Variants in MLEC observed in about 807,000 individuals in gnomAD.
MLEC encodes the protein oligosaccharyltransferase complex subunit (non-catalytic).
Under a neutral mutation model 28.7 loss-of-function variants are expected in MLEC, and 7 were observed. That is an observed-to-expected ratio of 0.24 (90% CI 0.14 to 0.46). The LOEUF (loss-of-function observed/expected upper bound fraction) is 0.46. MLEC is among the 20% of genes least tolerant of loss of function. The probability of loss-of-function intolerance (pLI) is 0.99; values close to 1 mark genes in which losing one functional copy is unlikely to be tolerated. For missense variants in MLEC, 237 were observed against 391.1 expected (o/e 0.61, Z 3.32); for synonymous variants, 142 against 164.4 (o/e 0.86, Z 1.04).
rs1323533501 is a variant in MLEC at position 120,696,936 on chromosome 12, G to C, written c.*391G>C. ...AGGGAAATGCCATCTTATTACCTGA[G>C]ACGACCAGCACTGGGAGTTAGGTAC... On this transcript the variant is annotated 3_prime_UTR_variant, in exon 5 of 5. Coordinates refer to ENST00000228506, the MANE Select transcript of MLEC (RefSeq NM_014730.4). The surrounding 1 kb of genome is among the most constrained non-coding windows in gnomAD (Gnocchi z 5.4). 1 of 209,344 alleles carries C rather than the reference G, an allele frequency of 4.8e-6. No individual in the cohort carries two copies. The allele number at this position is 209,344 out of a possible 1,614,324, so 13.0% of individuals were successfully genotyped here.
intron 1 of MLEC, among the ~76,000 whole-genome samples, chr12:120,690,219 C>T (rs192707218): frequency 5.9e-5 from 9 of 152,048 alleles, no homozygotes; most frequent in African/African-American, 2.2e-4. Context: ...CTATGTTGCC[C>T]AGGCTGGTCT....
rs531557959 is a variant in MLEC at position 120,695,428 on chromosome 12, A to G, written c.649+276A>G. The stretch of plus-strand genomic sequence containing the variant: ...TAAATTGGGATTAATAATGGTACCT[A>G]TTGGTGTACCCTGACCTTTGTAGTC... On this transcript the variant is annotated intron_variant, in intron 4 of 4. Transcript: ENST00000228506. Among the ~76,000 whole-genome samples, 16 of 152,290 alleles carry G rather than the reference A, an allele frequency of 1.1e-4. No individual in the cohort carries two copies. The East Asian group carries it at 1.3e-3, about 13-fold the overall frequency.
Position 120,696,770 on chromosome 12 carries a change from C to A in MLEC, c.*225C>A. The stretch of plus-strand genomic sequence containing the variant: ...CCTCGTCCTCTCTTTGTGGCTGGCT[C>A]CCAGCCTTCTCTTTCCTCTTGAGGA... On this transcript the variant is annotated 3_prime_UTR_variant, in exon 5 of 5. Transcript: ENST00000228506. This position sits in a 1 kb window ranked among gnomAD's most constrained non-coding sequence, Gnocchi z 5.4. 8.3e-6 allele frequency: 5 copies of A among 603,404 alleles called. No individual in the cohort carries two copies. The highest frequency in any genetic ancestry group is 1.4e-5 in the Non-Finnish European group (5 of 352,584). 37.4% of individuals were successfully genotyped at this position (603,404 alleles called of 1,614,324 possible). A position where few individuals can be genotyped will look rare whatever the true frequency, so the allele number is the denominator to read the frequency against.
chr12:120,696,834 T>G lies in MLEC; in HGVS notation c.*289T>G. The G allele has an allele frequency of 2.3e-6, 1 of 434,182 alleles. No homozygotes were observed. Among genetic ancestry groups the G allele is most frequent in the Non-Finnish European group, 4.2e-6 (1 of 239,744 alleles). The allele number at this position is 434,182 out of a possible 1,614,324, so 26.9% of individuals were successfully genotyped here. A position where few individuals can be genotyped will look rare whatever the true frequency, so the allele number is the denominator to read the frequency against. On this transcript the variant is annotated 3_prime_UTR_variant, in exon 5 of 5. Coordinates refer to ENST00000228506, the MANE Select transcript of MLEC (RefSeq NM_014730.4). The surrounding 1 kb of genome is among the most constrained non-coding windows in gnomAD (Gnocchi z 5.4). ...CTGGATCCTTCCTGCTCAAGGATCC[T>G]CATTTGTATACCTAGTGGAAAGGAC...
In MLEC at chr12:120,694,213, G is replaced by A; in HGVS notation, c.358G>A (p.Asp120Asn). 6.2e-7 allele frequency: 1 copy of A among 1,614,180 alleles called. No individual in the cohort carries two copies. Among genetic ancestry groups the A allele is most frequent in the Non-Finnish European group, 8.5e-7 (1 of 1,180,036 alleles). The part of the protein sequence containing the change: ...GYEVPIKEEG[D>N]YVLVLKFAEV... ...CGAAGTGCCCATCAAAGAGGAGGGGGACTACGTGCTGGTCTTGAAATTTGC... is the reference window on the plus strand; with the variant it reads ...CGAAGTGCCCATCAAAGAGGAGGGGAACTACGTGCTGGTCTTGAAATTTGC... Residue 120 changes from aspartate (D) to asparagine (N), a missense_variant, in exon 2 of 5, where the codon GAC becomes AAC. Coordinates refer to ENST00000228506, the MANE Select transcript of MLEC (RefSeq NM_014730.4). The surrounding 1 kb of genome is among the most constrained non-coding windows in gnomAD (Gnocchi z 4.5).
chr12:120,691,348 G>T (rs976886092), intron 1 of MLEC, among the ~76,000 whole-genome samples: 1 of 152,174 alleles, frequency 6.6e-6, no homozygotes. Context: ...CAATGCTGTG[G>T]GATAGGTGGT....
chr12:120,695,414 T>G lies in MLEC; in HGVS notation c.649+262T>G, dbSNP rs1882193237. Among the ~76,000 whole-genome samples the G allele has an allele frequency of 2.0e-5, 3 of 152,218 alleles. No homozygotes were observed. The South Asian group carries it at 6.2e-4, about 31-fold the overall frequency. ...TTTTAATTTCCCTATAAATTGGGAT[T>G]AATAATGGTACCTATTGGTGTACCC... On this transcript the variant is annotated intron_variant, in intron 4 of 4. Transcript: ENST00000228506.
At chr12:120,692,279 A>G (rs1882070004) in intron 1 of MLEC, among the ~76,000 whole-genome samples, 1 of 152,234 alleles carries the variant, frequency 6.6e-6, no homozygotes, top group Non-Finnish European at 1.5e-5. Flanking sequence ...TCCTCATGGA[A>G]GAAGGAAATT....
chr12:120,690,635 A>G (rs924909565), intron 1 of MLEC, among the ~76,000 whole-genome samples: 2 of 152,200 alleles, frequency 1.3e-5, no homozygotes, highest in East Asian at 1.9e-4. Context: ...ATAGGGCAGA[A>G]CATAGCTCCA....
intron 1 of MLEC, among the ~76,000 whole-genome samples, chr12:120,690,217 C>T (rs1028099390): frequency 5.9e-5 from 9 of 151,956 alleles, no homozygotes; most frequent in African/African-American, 2.2e-4. Flanking sequence ...CACTATGTTG[C>T]CCAGGCTGGT....
chr12:120,693,049 T>C (rs1477225477), intron 1 of MLEC, among the ~76,000 whole-genome samples: 1 of 152,154 alleles, frequency 6.6e-6, no homozygotes, highest in Non-Finnish European at 1.5e-5. Context: ...GAAAAAAACA[T>C]ATATACAACT....
At chr12:120,691,194 T>A (rs1012943553) in intron 1 of MLEC, among the ~76,000 whole-genome samples, 1 of 152,206 alleles carries the variant, frequency 6.6e-6, no homozygotes, top group Non-Finnish European at 1.5e-5. Flanking sequence ...TTTGATCCAT[T>A]CCCTAAACTG....
At position 120,694,983 on chromosome 12, in the gene MLEC, T is replaced by C. The variant is rs144903763; in HGVS notation, c.574T>C (p.Tyr192His). 9.4e-5 allele frequency: 152 copies of C among 1,614,158 alleles called. No individual in the cohort carries two copies. The highest frequency in any genetic ancestry group is 2.4e-4 in the South Asian group (22 of 91,084). The part of the protein sequence containing the change: ...GEVSTFTGKL[Y>H]IEFVKGYYDN... Reference sequence around the variant, plus strand: ...GGTGTCCACCTTCACAGGGAAACTCTACATTGAGTTTGTCAAGGTAATTCC... The same window carrying C: ...GGTGTCCACCTTCACAGGGAAACTCCACATTGAGTTTGTCAAGGTAATTCC... The change falls in exon 3 of 5, where the codon TAC (tyrosine) becomes CAC (histidine). Residue 192 changes from tyrosine (Y) to histidine (H), a missense_variant. Tyr to His is a moderately conservative substitution (Grantham distance 83, BLOSUM62 2). Coordinates refer to ENST00000228506, the MANE Select transcript of MLEC (RefSeq NM_014730.4). This position sits in a 1 kb window ranked among gnomAD's most constrained non-coding sequence, Gnocchi z 4.5.
At position 120,691,516 on chromosome 12, in the gene MLEC, C is replaced by T. The variant is rs116204377; in HGVS notation, c.236-2575C>T. Among the ~76,000 whole-genome samples the T allele has an allele frequency of 5.5e-3, 839 of 152,384 alleles. 8 individuals are homozygous for T. Among genetic ancestry groups the T allele is most frequent in the African/African-American group, 0.019 (809 of 41,596 alleles). ...AAGAGCAGACATAATGTAGGCCCTT[C>T]GGCCCCCTTCCTTTTTGGTTAACTG... On this transcript the variant is annotated intron_variant, in intron 1 of 4. Coordinates refer to ENST00000228506, the MANE Select transcript of MLEC (RefSeq NM_014730.4).
At chr12:120,690,842 A>G (rs574744412) in intron 1 of MLEC, among the ~76,000 whole-genome samples, 1 of 152,312 alleles carries the variant, frequency 6.6e-6, no homozygotes, top group African/African-American at 2.4e-5. Flanking sequence ...GTTGTTTAGA[A>G]TTCTCTACCT....
rs1881876125 is a variant in MLEC, at chr12:120,687,614, C to T, written c.235+83C>T. On this transcript the variant is annotated intron_variant, in intron 1 of 4. Transcript: ENST00000228506. The surrounding 1 kb of genome is among the most constrained non-coding windows in gnomAD (Gnocchi z 8.1). ...GCCGGGGGCTGCGGGCCCCGAGCCC[C>T]TTTCGACCCTGGGGCCGCGTCTCTG... is the stretch of plus-strand genomic sequence containing the variant. The T allele has an allele frequency of 3.5e-6, 4 of 1,127,832 alleles. No homozygotes were observed. In the South Asian group the frequency reaches 5.9e-5, roughly 17 times the overall value. The allele number at this position is 1,127,832 out of a possible 1,614,324, so 69.9% of individuals were successfully genotyped here. A position where few individuals can be genotyped will look rare whatever the true frequency, so the allele number is the denominator to read the frequency against.
At chr12:120,693,380 CT>C (rs918051896) in intron 1 of MLEC, among the ~76,000 whole-genome samples, 3 of 151,718 alleles carry the variant, frequency 2.0e-5, no homozygotes, top group Admixed American at 6.6e-5. Flanking sequence ...GCAGTGGTGA[CT>C]TTTTTTTTCT....
intron 4 of MLEC, 58 bp downstream of exon 4, chr12:120,695,210 C>G: frequency 6.3e-7 from 1 of 1,585,008 alleles, no homozygotes. Flanking sequence ...GTTGAGGAAG[C>G]CCTTGGGAGG....
At chr12:120,688,020 G>T (rs1295530099) in intron 1 of MLEC, among the ~76,000 whole-genome samples, 2 of 152,196 alleles carry the variant, frequency 1.3e-5, no homozygotes, top group African/African-American at 4.8e-5. Flanking sequence ...AAGTTTGATT[G>T]TAGCCTCCTC....
Sources: allele counts gnomAD v4.1 joint callset (sites outside exome capture counted in the v4.1 genomes callset), GRCh38; gene constraint gnomAD v4.1.1; non-coding constraint Gnocchi (gnomAD v3.1); transcripts MANE v1.5; gene names NCBI Gene and HGNC (gene_info 2026-07-23, HGNC 2026-07-21).